The following STX8 variants were observed in gnomAD, a reference collection of about 807,000 sequenced individuals.
STX8 encodes the protein syntaxin-8.
In STX8, 23 loss-of-function variants were observed where a neutral mutation model predicts 37.5. That is an observed-to-expected ratio of 0.61 (90% CI 0.44 to 0.87). STX8 has a LOEUF of 0.87. Ranked by LOEUF, STX8 falls within the 40% of genes least tolerant of loss-of-function variation. The pLI is 0.00. For missense variants in STX8, 313 were observed against 284.7 expected (o/e 1.10, Z -0.71); for synonymous variants, 115 against 99.1 (o/e 1.16, Z -0.95).
At chr17:9,300,318 C>T (rs535650945) in intron 7 of STX8, among the ~76,000 whole-genome samples, 7 of 91,576 alleles carry the variant, frequency 7.6e-5, no homozygotes, top group Admixed American at 1.8e-4. Flanking sequence ...GCAACAAGAG[C>T]GAAACTCCAT....
chr17:9,253,507 G>A (rs1019553090), intron 7 of STX8, among the ~76,000 whole-genome samples: 11 of 152,054 alleles, frequency 7.2e-5, no homozygotes, highest in Non-Finnish European at 1.3e-4. Flanking sequence ...TTTATGTTGC[G>A]CAACATGAGG....
intron 7 of STX8, among the ~76,000 whole-genome samples, chr17:9,362,295 G>C (rs1457195105): frequency 6.6e-6 from 1 of 151,980 alleles, no homozygotes; most frequent in Non-Finnish European, 1.5e-5. Context: ...ACTGTACTCG[G>C]GCCTGCATGA....
chr17:9,574,270 G>A lies in STX8; in HGVS notation c.17+1522C>T, dbSNP rs140625442. Among the ~76,000 whole-genome samples, 4 of 142,870 alleles carry A rather than the reference G, an allele frequency of 2.8e-5. No individual in the cohort carries two copies. The South Asian group carries it at 6.5e-4, about 23-fold the overall frequency. 93.7% of individuals were successfully genotyped at this position (142,870 alleles called of 152,430 possible). A position where few individuals can be genotyped will look rare whatever the true frequency, so the allele number is the denominator to read the frequency against. On this transcript the variant is annotated intron_variant, in intron 1 of 7. Coordinates refer to ENST00000306357, the MANE Select transcript of STX8 (RefSeq NM_004853.3). ...TGGGTGACAGACAGAGCAAGACTCCGTCTCAAAAAAAAAAAAAAGAAGAAA... is the reference window on the plus strand; with the variant it reads ...TGGGTGACAGACAGAGCAAGACTCCATCTCAAAAAAAAAAAAAAGAAGAAA...
chr17:9,452,143 CTTCT>C (rs1162383876), intron 6 of STX8: 2 of 151,650 alleles, frequency 1.3e-5, no homozygotes, highest in South Asian at 2.1e-4. Context: ...AATTTAGTAA[CTTCT>C]TTGACTTTTT....
intron 4 of STX8, among the ~76,000 whole-genome samples, chr17:9,525,083 A>C (rs1448142096): frequency 6.6e-6 from 1 of 152,164 alleles, no homozygotes; most frequent in East Asian, 1.9e-4. Flanking sequence ...CACTGGGATT[A>C]CAGGCGTGAG....
At chr17:9,532,250 T>A (rs1004030165) in intron 4 of STX8, among the ~76,000 whole-genome samples, 1 of 152,124 alleles carries the variant, frequency 6.6e-6, no homozygotes, top group Admixed American at 6.5e-5. Flanking sequence ...CCTAAAAACT[T>A]CGAATAGCTA....
At chr17:9,377,054 C>T (rs1911617155) in intron 7 of STX8, among the ~76,000 whole-genome samples, 1 of 152,168 alleles carries the variant, frequency 6.6e-6, no homozygotes, top group Admixed American at 6.5e-5. Context: ...GCTCCACTAC[C>T]TCTGAGCTTG....
At chr17:9,371,660 T>G (rs553641793) in intron 7 of STX8, among the ~76,000 whole-genome samples, 1 of 152,062 alleles carries the variant, frequency 6.6e-6, no homozygotes, top group African/African-American at 2.4e-5. Flanking sequence ...TTTCTTCTGG[T>G]TTGTCCTCTG....
rs143017091 is a variant in STX8, at chr17:9,519,358, A to G, written c.324-14196T>C. 2.0e-4 allele frequency among the ~76,000 whole-genome samples: 31 copies of G among 151,334 alleles called. No homozygotes were observed. The East Asian group carries it at 4.3e-3, about 21-fold the overall frequency. On this transcript the variant is annotated intron_variant, in intron 4 of 7. Transcript: ENST00000306357. ...CATCACTGTATTCCCAAGTCATCCA[A>G]GCCATTTTTTTTTTTTTGGTCTCCC... is the stretch of plus-strand genomic sequence containing the variant.
At chr17:9,348,222 G>A (rs567872167) in intron 7 of STX8, among the ~76,000 whole-genome samples, 4 of 151,926 alleles carry the variant, frequency 2.6e-5, no homozygotes, top group South Asian at 4.2e-4. Context: ...TCAGGAGATC[G>A]AGACCATCCT....
chr17:9,312,633 G>A (rs1909231394), intron 7 of STX8, among the ~76,000 whole-genome samples: 1 of 152,180 alleles, frequency 6.6e-6, no homozygotes, highest in Non-Finnish European at 1.5e-5. Flanking sequence ...CACGCAAGCT[G>A]GACTGATTTG....
At chr17:9,486,925 G>A (rs952472908) in intron 6 of STX8, among the ~76,000 whole-genome samples, 3 of 152,110 alleles carry the variant, frequency 2.0e-5, no homozygotes, top group Admixed American at 1.3e-4. Context: ...CACCCATAGA[G>A]GCCACCTGGA....
chr17:9,471,520 G>C (rs1905866719), intron 6 of STX8, among the ~76,000 whole-genome samples: 1 of 151,986 alleles, frequency 6.6e-6, no homozygotes, highest in African/African-American at 2.4e-5. Flanking sequence ...CTGGAGCTTG[G>C]ATTTTGGGAA....
intron 6 of STX8, among the ~76,000 whole-genome samples, chr17:9,488,792 AAGAG>A (rs1379249464): frequency 2.1e-5 from 3 of 140,626 alleles, no homozygotes; most frequent in Non-Finnish European, 4.6e-5. Context: ...GTAAGACATT[AAGAG>A]AGAAAGAGAG....
intron 6 of STX8, among the ~76,000 whole-genome samples, chr17:9,474,171 G>A (rs1436085665): frequency 3.9e-5 from 6 of 152,072 alleles, no homozygotes; most frequent in Admixed American, 2.6e-4. Flanking sequence ...TGGAGAGGGT[G>A]ATACATGGAG....
At chr17:9,494,615 CAAAA>C (rs35806606) in intron 5 of STX8, among the ~76,000 whole-genome samples, 2 of 64,292 alleles carry the variant, frequency 3.1e-5, no homozygotes, top group East Asian at 6.3e-4. Context: ...GAACCTGTCT[CAAAA>C]AAAAAAAAAA....
chr17:9,445,982 C>T (rs977108221), intron 6 of STX8, among the ~76,000 whole-genome samples: 4 of 151,804 alleles, frequency 2.6e-5, no homozygotes, highest in Non-Finnish European at 5.9e-5. Context: ...ACTACAGGCG[C>T]CTGCCACCAC....
intron 2 of STX8, among the ~76,000 whole-genome samples, chr17:9,561,530 G>A (rs573444822): frequency 9.2e-5 from 14 of 151,752 alleles, no homozygotes; most frequent in Admixed American, 4.6e-4. Flanking sequence ...GTGGTGGCGG[G>A]TGCCTGTAAT....
chr17:9,256,386 C>T (rs1322446151), intron 7 of STX8, among the ~76,000 whole-genome samples: 1 of 152,162 alleles, frequency 6.6e-6, no homozygotes, highest in Non-Finnish European at 1.5e-5. Flanking sequence ...TCATCCTCTT[C>T]TCTTTCTCCC....
Sources: gnomAD v4.1 joint callset for allele counts (sites outside exome capture counted in the v4.1 genomes callset) on GRCh38, gnomAD v4.1.1 for gene constraint, MANE v1.5 for transcripts, NCBI Gene and HGNC (gene_info 2026-07-23, HGNC 2026-07-21) for gene names.